The following TTC12 variants were observed in gnomAD, a reference collection of about 807,000 sequenced individuals.
The protein encoded by TTC12 is tetratricopeptide repeat domain 12.
Under a neutral mutation model 90.1 loss-of-function variants are expected in TTC12, and 70 were observed. The ratio of observed to expected loss-of-function variants is 0.78; its 90% CI spans 0.64 to 0.95. The LOEUF is 0.95. TTC12 is among the 40% of genes least tolerant of loss of function. TTC12 has a pLI of 0.00. For synonymous variants in TTC12, 296 were observed against 311.5 expected (o/e 0.95, Z 0.53); for missense variants, 819 against 846.1 (o/e 0.97, Z 0.40).
At chr11:113,333,727 A>G (rs188725678) in intron 7 of TTC12, among the ~76,000 whole-genome samples, 1 of 152,290 alleles carries the variant, frequency 6.6e-6, no homozygotes, top group Non-Finnish European at 1.5e-5. Context: ...ATTTATTTTT[A>G]TTATGACTTC....
At chr11:113,369,440 T>A (rs1950322967), downstream of TTC12, among the ~76,000 whole-genome samples, 1 of 109,432 alleles carries the variant, frequency 9.1e-6, no homozygotes, top group Admixed American at 1.3e-4. Flanking sequence ...CCGTGCATTG[T>A]GCCTTTGCTC....
chr11:113,358,226 G>A (rs1591191459), intron 16 of TTC12, among the ~76,000 whole-genome samples: 1 of 152,190 alleles, frequency 6.6e-6, no homozygotes, highest in Non-Finnish European at 1.5e-5. Flanking sequence ...GGGAAGAGGA[G>A]GGGCAGGACT....
chr11:113,323,296 A>G lies in TTC12; in HGVS notation c.67A>G (p.Ile23Val). Residue 23 changes from isoleucine to valine, a missense_variant, in exon 3 of 22, where the codon ATT becomes GTT. Transcript: ENST00000529221. Reference sequence around the variant, plus strand: ...CCTGATTTCTTCTCTAGCCAATTTAATTCAGGAGATGAATTCTGATGACCC... The same window carrying G: ...CCTGATTTCTTCTCTAGCCAATTTAGTTCAGGAGATGAATTCTGATGACCC... Reference protein sequence around the residue: ...LKNVDEISNLIQEMNSDDPVV... With the variant: ...LKNVDEISNLVQEMNSDDPVV... 1 of 1,600,642 alleles carries G rather than the reference A, an allele frequency of 6.2e-7. No individual in the cohort carries two copies. Among genetic ancestry groups the G allele is most frequent in the South Asian group, 1.1e-5 (1 of 88,278 alleles).
chr11:113,323,915 C>A, intron 3 of TTC12, 79 bp from the exon 4 acceptor site: 1 of 1,132,946 alleles, frequency 8.8e-7, no homozygotes, highest in Non-Finnish European at 1.3e-6. Context: ...ATTGATTTGC[C>A]TTCTTGGTTT....
In TTC12 at chr11:113,346,751, G is replaced by GAAAAAAAAAAAAAAAAAAA. The variant is rs58619294; in HGVS notation, c.1154+2328_1154+2329insAAAAAAAAAAAAAAAAAAA. 8.7e-5 allele frequency among the ~76,000 whole-genome samples: 5 copies of GAAAAAAAAAAAAAAAAAAA among 57,530 alleles called. 1 individual carries two copies. Among genetic ancestry groups the GAAAAAAAAAAAAAAAAAAA allele is most frequent in the Non-Finnish European group, 4.0e-5 (1 of 25,184 alleles). The allele number at this position is 57,530 out of a possible 152,430, so 37.7% of individuals were successfully genotyped here. ...TAGCCAGCAAACAGCATCTGCTACA[G>GAAAAAAAAAAAAAAAAAAA]AAAAAAAAAAAAAAAAAGCAACTAA... is the stretch of plus-strand genomic sequence containing the variant. On this transcript the variant is annotated intron_variant, in intron 13 of 21. Transcript: ENST00000529221.
chr11:113,324,633 T>A lies in TTC12; in HGVS notation c.273T>A (p.Asp91Glu). The A allele has an allele frequency of 6.2e-7, 1 of 1,614,018 alleles. No individual in the cohort carries two copies. The highest frequency in any genetic ancestry group is 2.2e-5 in the East Asian group (1 of 44,872). The change falls in exon 5 of 22, where the codon GAT (aspartate) becomes GAA (glutamate). Residue 91 changes from aspartate (D) to glutamate (E), a missense_variant. Coordinates refer to ENST00000529221, the MANE Select transcript of TTC12 (RefSeq NM_017868.4). ...CCTTCTTGGCATCTGTGGAGAAGGA[T>A]GCAAAGGAACGAGCCAAGAGAAGAA... ...SEAFLASVEK[D>E]AKERAKRRRE...
chr11:113,323,982 C>G lies in TTC12; in HGVS notation c.223-12C>G. On this transcript the variant is annotated splice_polypyrimidine_tract_variant and intron_variant, in intron 3 of 21. Transcript: ENST00000529221. The stretch of plus-strand genomic sequence containing the variant: ...TTTGTTTCTTTGTTTTTATGGTAAC[C>G]TACGTCTACAGAGTGCAGAAGAAAT... 1 of 1,608,430 alleles carries G rather than the reference C, an allele frequency of 6.2e-7. No homozygotes were observed. Among genetic ancestry groups the G allele is most frequent in the Admixed American group, 1.7e-5 (1 of 59,458 alleles).
At chr11:113,344,994 G>A (rs782176174) in intron 13 of TTC12, among the ~76,000 whole-genome samples, 14 of 152,098 alleles carry the variant, frequency 9.2e-5, no homozygotes, top group East Asian at 3.9e-4. Context: ...ATTCTGCCCC[G>A]TCCTTTATAA....
At chr11:113,334,302 A>G (rs1555143361) in intron 7 of TTC12, among the ~76,000 whole-genome samples, 2 of 152,240 alleles carry the variant, frequency 1.3e-5, no homozygotes, top group Non-Finnish European at 2.9e-5. Context: ...AGGGGCAGGC[A>G]GGTGCAGGGC....
chr11:113,346,148 A>G (rs558656897), intron 13 of TTC12, among the ~76,000 whole-genome samples: 1 of 152,302 alleles, frequency 6.6e-6, no homozygotes, highest in East Asian at 1.9e-4. Flanking sequence ...GGTTGAAGGC[A>G]TGAATGTGTG....
chr11:113,359,532 C>T (rs1949799897), intron 17 of TTC12, 71 bp downstream of exon 17: 2 of 1,039,670 alleles, frequency 1.9e-6, no homozygotes, highest in Non-Finnish European at 3.0e-6. Flanking sequence ...TAAAACCATT[C>T]TCATGTTCAC....
intron 4 of TTC12, 146 bp downstream of exon 4, chr11:113,324,161 T>A (rs1947536307): frequency 6.3e-6 from 4 of 636,484 alleles, no homozygotes; most frequent in Non-Finnish European, 1.1e-5. Flanking sequence ...ATTCTGTTAC[T>A]AGTGATCAGC....
rs187110540 is a variant in TTC12, at chr11:113,338,938, G to A, written c.637+104G>A. ...TCACTGCCCTTGGCCACTAGGCAGC[G>A]GCGGATCCTCTTTCCTGCACAGTTG... is the stretch of plus-strand genomic sequence containing the variant. On this transcript the variant is annotated intron_variant, in intron 9 of 21. Transcript: ENST00000529221. The A allele has an allele frequency of 2.6e-4, 263 of 1,009,244 alleles. 2 individuals carry two copies. In the Admixed American group the frequency reaches 4.1e-3, roughly 16 times the overall value. 62.5% of individuals were successfully genotyped at this position (1,009,244 alleles called of 1,614,324 possible).
At chr11:113,315,779 G>T (rs1339828447) in intron 1 of TTC12, among the ~76,000 whole-genome samples, 2 of 152,222 alleles carry the variant, frequency 1.3e-5, no homozygotes, top group Non-Finnish European at 2.9e-5. Context: ...GCCAAAGGCA[G>T]ATTTTAAACA....
At chr11:113,325,723 C>A in intron 6 of TTC12, 78 bp downstream of exon 6, 1 of 1,570,600 alleles carries the variant, frequency 6.4e-7, no homozygotes, top group Admixed American at 1.8e-5. Flanking sequence ...AAAGATGAGG[C>A]TAGATGTTGG....
intron 8 of TTC12, among the ~76,000 whole-genome samples, chr11:113,335,729 A>T (rs143594069): frequency 2.2e-4 from 33 of 152,310 alleles, no homozygotes; most frequent in Admixed American, 5.9e-4. Flanking sequence ...TTTGCCTGGT[A>T]CATTTTTGTT....
At chr11:113,338,652 C>T in intron 8 of TTC12, 122 bp from the exon 9 acceptor site, 1 of 685,674 alleles carries the variant, frequency 1.5e-6, no homozygotes, top group Non-Finnish European at 2.5e-6. Context: ...CTGTCTCCTG[C>T]ACTGGGAGCA....
chr11:113,343,107 A>G (rs1948769193), intron 12 of TTC12, among the ~76,000 whole-genome samples: 1 of 152,314 alleles, frequency 6.6e-6, no homozygotes, highest in South Asian at 2.1e-4. Flanking sequence ...TCAGAAGGGC[A>G]AGGGAATGCT....
chr11:113,372,351 G>A (rs1261213218), intron 21 of TTC12, among the ~76,000 whole-genome samples: 2 of 152,180 alleles, frequency 1.3e-5, no homozygotes, highest in African/African-American at 4.8e-5. Context: ...AAGCCATCAT[G>A]CACACTGCAG....
Sources: gnomAD v4.1 joint callset for allele counts (sites outside exome capture counted in the v4.1 genomes callset) on GRCh38, gnomAD v4.1.1 for gene constraint, MANE v1.5 for transcripts, NCBI Gene and HGNC (gene_info 2026-07-23, HGNC 2026-07-21) for gene names.